Variants in SPAG16 observed in about 807,000 individuals in gnomAD.
The protein encoded by SPAG16 is sperm-associated antigen 16 protein.
A neutral mutation model predicts 80.4 loss-of-function variants in SPAG16; 86 were observed. The ratio of observed to expected loss-of-function variants is 1.07; its 90% CI spans 0.90 to 1.28. SPAG16 has a LOEUF of 1.28. Among genes scored for constraint, SPAG16 ranks in the 50% most tolerant of loss-of-function variants. The pLI, the probability that SPAG16 is intolerant of heterozygous loss-of-function variation, is 0.00. For missense variants in SPAG16, 870 were observed against 765.3 expected, an observed-to-expected ratio of 1.14 and a Z score of -1.61; for synonymous variants, 294 against 265.9, an observed-to-expected ratio of 1.11 and a Z score of -1.03.
chr2:213,834,742 C>T lies in SPAG16; in HGVS notation c.1071-27743C>T, dbSNP rs910895718. On this transcript the variant is annotated intron_variant, in intron 10 of 15. Transcript: ENST00000331683. ...CTTAGGCCCTCTCAATATCATGTAC[C>T]GTACTTTGGGGTATCATTTTCTGAG... 6.6e-5 allele frequency among the ~76,000 whole-genome samples: 10 copies of T among 152,026 alleles called. 1 individual carries two copies. The highest frequency in any genetic ancestry group is 3.9e-4 in the Admixed American group (6 of 15,248).
At chr2:213,302,463 AC>A (rs995523702) in intron 3 of SPAG16, 3 of 152,158 alleles carry the variant, frequency 2.0e-5, no homozygotes, top group Non-Finnish European at 4.4e-5. Flanking sequence ...TGCTAAATGA[AC>A]CGTTCAGTTC....
chr2:213,989,464 T>G (rs551241180), intron 12 of SPAG16, among the ~76,000 whole-genome samples: 21 of 152,136 alleles, frequency 1.4e-4, no homozygotes, highest in Non-Finnish European at 2.9e-4. Context: ...CTGCTTTTAT[T>G]TTTCAATTTC....
At chr2:213,405,218 A>G (rs17694142) in intron 9 of SPAG16, among the ~76,000 whole-genome samples, 33,483 of 152,176 alleles carry the variant, frequency 0.22, 4,537 homozygotes, top group Non-Finnish European at 0.31. Context: ...GGAATTAAAC[A>G]TCCTACAGTT....
At chr2:213,989,308 A>G (rs539936072) in intron 12 of SPAG16, among the ~76,000 whole-genome samples, 13 of 152,170 alleles carry the variant, frequency 8.5e-5, no homozygotes, top group African/African-American at 3.1e-4. Context: ...GCCTATGATC[A>G]CCCTTCATTC....
intron 15 of SPAG16, among the ~76,000 whole-genome samples, chr2:214,356,318 G>C (rs545306386): frequency 6.6e-6 from 1 of 151,852 alleles, no homozygotes; most frequent in East Asian, 1.9e-4. Context: ...GAAATTGTGG[G>C]GAAAAAATGA....
intron 11 of SPAG16, among the ~76,000 whole-genome samples, chr2:213,873,172 T>TGG: frequency 6.6e-6 from 1 of 151,568 alleles, no homozygotes; most frequent in Admixed American, 6.6e-5. Flanking sequence ...AATTCATCAG[T>TGG]GAAGCCATCT....
intron 10 of SPAG16, among the ~76,000 whole-genome samples, chr2:213,861,015 C>T (rs1402577957): frequency 1.3e-5 from 2 of 152,126 alleles, no homozygotes; most frequent in African/African-American, 2.4e-5. Context: ...CCGGTTTGAG[C>T]TGTAATAAAT....
intron 11 of SPAG16, chr2:213,924,035 G>A (rs2078347034): frequency 6.6e-6 from 1 of 152,434 alleles, no homozygotes; most frequent in Non-Finnish European, 1.5e-5. Flanking sequence ...TAGCAGTGGT[G>A]GGGGTGGGTG....
intron 10 of SPAG16, among the ~76,000 whole-genome samples, chr2:213,582,555 C>G (rs1399309689): frequency 2.0e-5 from 3 of 152,004 alleles, no homozygotes; most frequent in Non-Finnish European, 4.4e-5. Flanking sequence ...AAATGAGGGA[C>G]TTTAAAAAGA....
rs76445427 is a variant in SPAG16, at chr2:214,224,384, T to C, written c.1720+75118T>C. ...GTACACATAATTTATATTATTTCTC[T>C]TAAAGATGAGCCATTATGATTGAGG... On this transcript the variant is annotated intron_variant, in intron 15 of 15. Coordinates refer to ENST00000331683, the MANE Select transcript of SPAG16 (RefSeq NM_024532.5). Among the ~76,000 whole-genome samples the C allele has an allele frequency of 3.1e-3, 478 of 152,316 alleles. 4 individuals are homozygous for C. The highest frequency in any genetic ancestry group is 0.011 in the African/African-American group (460 of 41,576).
At chr2:214,099,344 T>A (rs2052830199) in intron 13 of SPAG16, among the ~76,000 whole-genome samples, 1 of 152,158 alleles carries the variant, frequency 6.6e-6, no homozygotes, top group African/African-American at 2.4e-5. Context: ...TTGCTTTACA[T>A]AAATTTCTCC....
At chr2:213,388,380 C>T (rs2067561822) in intron 9 of SPAG16, among the ~76,000 whole-genome samples, 1 of 152,204 alleles carries the variant, frequency 6.6e-6, no homozygotes, top group African/African-American at 2.4e-5. Flanking sequence ...CCTTTTCCCA[C>T]CTTCGTTTTT....
chr2:213,566,553 A>T (rs546766023), intron 10 of SPAG16, among the ~76,000 whole-genome samples: 79 of 152,310 alleles, frequency 5.2e-4, no homozygotes, highest in Non-Finnish European at 1.0e-3. Flanking sequence ...CTATTATTTT[A>T]TTATAAGTAA....
At chr2:213,525,126 T>A (rs1056245019) in intron 10 of SPAG16, among the ~76,000 whole-genome samples, 4 of 152,126 alleles carry the variant, frequency 2.6e-5, no homozygotes, top group South Asian at 2.1e-4. Context: ...ACATCTGATG[T>A]TTGTATAAGG....
chr2:213,440,022 G>A (rs1459972545), intron 9 of SPAG16, among the ~76,000 whole-genome samples: 1 of 152,102 alleles, frequency 6.6e-6, no homozygotes, highest in Non-Finnish European at 1.5e-5. Context: ...CCATAATCAG[G>A]AGTTGGAAAC....
At chr2:213,980,760 T>G (rs866854658) in intron 12 of SPAG16, among the ~76,000 whole-genome samples, 2 of 75,822 alleles carry the variant, frequency 2.6e-5, no homozygotes, top group African/African-American at 1.4e-4. Context: ...AGAGAGAGAG[T>G]AAGCTGGGTG....
At chr2:213,388,278 T>TTA (rs1236727747) in intron 9 of SPAG16, among the ~76,000 whole-genome samples, 5 of 152,090 alleles carry the variant, frequency 3.3e-5, no homozygotes, top group African/African-American at 1.2e-4. Flanking sequence ...ACAAAGAGGG[T>TTA]TATAGCAATT....
At chr2:213,585,280 GA>G (rs2060430962) in intron 10 of SPAG16, among the ~76,000 whole-genome samples, 1 of 48,252 alleles carries the variant, frequency 2.1e-5, no homozygotes, top group African/African-American at 5.1e-5. Context: ...AATGATGAAA[GA>G]TTTTTTTTTT....
In SPAG16 at chr2:213,353,767, A is replaced by G. The variant is rs183061569; in HGVS notation, c.762+3122A>G. Among the ~76,000 whole-genome samples the G allele has an allele frequency of 4.7e-3, 719 of 152,270 alleles. 8 individuals are homozygous for G. Among genetic ancestry groups the G allele is most frequent in the Non-Finnish European group, 7.3e-3 (497 of 68,008 alleles). On this transcript the variant is annotated intron_variant, in intron 7 of 15. Transcript: ENST00000331683. ...ATCTTCCTATCTTCTTTCATGTTAC[A>G]GGATGCTCTATGTCCTCATTTGTTA...
Sources: gnomAD v4.1 joint callset for allele counts (sites outside exome capture counted in the v4.1 genomes callset) on GRCh38, gnomAD v4.1.1 for gene constraint, MANE v1.5 for transcripts, NCBI Gene and HGNC (gene_info 2026-07-23, HGNC 2026-07-21) for gene names.